FKBP5: variants seen among roughly 807,000 people sequenced by gnomAD.
FKBP5 encodes FKBP prolyl isomerase 5, also known as peptidyl-prolyl cis-trans isomerase FKBP5.
FKBP5 carries 23 observed loss-of-function variants against 50.5 expected under a neutral mutation model. The ratio of observed to expected loss-of-function variants is 0.46; its 90% CI spans 0.33 to 0.65. The LOEUF is 0.65. Among genes scored for constraint, FKBP5 ranks in the 30% least tolerant of loss-of-function variants. The probability of loss-of-function intolerance (pLI) is 0.02; values close to 1 mark genes in which losing one functional copy is unlikely to be tolerated. For missense variants in FKBP5, 411 were observed against 553.1 expected, an observed-to-expected ratio of 0.74 and a Z score of 2.58; for synonymous variants, 176 against 190.6, an observed-to-expected ratio of 0.92 and a Z score of 0.63.
upstream of FKBP5, chr6:35,688,960 C>G (rs1446055963): frequency 1.1e-4 from 16 of 151,588 alleles, no homozygotes; most frequent in Admixed American, 1.1e-3. Context: ...CAGCGCCCGG[C>G]GCCGTCCCGC....
chr6:35,723,022 A>G (rs1178309887), intron 1 of FKBP5, among the ~76,000 whole-genome samples: 4 of 152,300 alleles, frequency 2.6e-5, no homozygotes, highest in South Asian at 2.1e-4. Context: ...TCATGAGATC[A>G]GGAGATCGAG....
At chr6:35,683,010 CTG>C (rs577683307) in intron 1 of FKBP5, among the ~76,000 whole-genome samples, 1 of 148,838 alleles carries the variant, frequency 6.7e-6, no homozygotes, top group East Asian at 2.0e-4. Context: ...ATGTATGTGT[CTG>C]TGTGTATATA....
chr6:35,721,548 C>T (rs538859102), intron 1 of FKBP5, among the ~76,000 whole-genome samples: 2 of 152,160 alleles, frequency 1.3e-5, no homozygotes, highest in Admixed American at 1.3e-4. Context: ...CTCCGCCTCC[C>T]GGGTTCAAAT....
chr6:35,656,808 A>G (rs2150997446), intron 1 of FKBP5, among the ~76,000 whole-genome samples: 1 of 151,782 alleles, frequency 6.6e-6, no homozygotes, highest in East Asian at 1.9e-4. Flanking sequence ...GAGGCAGGAG[A>G]ATTGCTTGAA....
intron 1 of FKBP5, among the ~76,000 whole-genome samples, chr6:35,650,401 GA>G (rs200951563): frequency 3.8e-4 from 52 of 138,186 alleles, no homozygotes; most frequent in Admixed American, 4.3e-4. Flanking sequence ...CTGGACCATT[GA>G]AAAAAAAAAA....
upstream of FKBP5, among the ~76,000 whole-genome samples, chr6:35,691,419 G>C (rs984916337): frequency 6.6e-6 from 1 of 152,152 alleles, no homozygotes; most frequent in African/African-American, 2.4e-5. Context: ...GAACAGTGAG[G>C]AGCAGTGTGG....
chr6:35,583,564 A>G (rs1479708467), intron 8 of FKBP5: 1 of 985,270 alleles, frequency 1.0e-6, no homozygotes, highest in Non-Finnish European at 1.2e-6. Flanking sequence ...AGCAGTTCTC[A>G]ACTGGGGGGT....
intron 8 of FKBP5, chr6:35,584,855 T>G (rs1423362370): frequency 1.0e-6 from 1 of 985,336 alleles, no homozygotes; most frequent in Admixed American, 6.2e-5. Flanking sequence ...CAAAGATTGG[T>G]AATTTTAAGT....
chr6:35,721,574 G>A (rs1036567897), intron 1 of FKBP5, among the ~76,000 whole-genome samples: 1 of 151,990 alleles, frequency 6.6e-6, no homozygotes, highest in Non-Finnish European at 1.5e-5. Context: ...TCCTGCCTCA[G>A]CCTCCCGAGC....
chr6:35,723,497 G>T (rs1018555278), intron 1 of FKBP5, among the ~76,000 whole-genome samples: 7 of 152,172 alleles, frequency 4.6e-5, no homozygotes, highest in Non-Finnish European at 4.4e-5. Context: ...AGGGAAGAAG[G>T]CAGAAGGGAT....
intron 5 of FKBP5, among the ~76,000 whole-genome samples, chr6:35,617,694 C>G (rs935731048): frequency 1.3e-5 from 2 of 152,156 alleles, no homozygotes; most frequent in African/African-American, 4.8e-5. Context: ...ATGTGTGTCA[C>G]GCACTGCAGG....
Position 35,659,554 on chromosome 6 carries a change from ATTTC to A in FKBP5, c.-19-16715_-19-16712del, listed in dbSNP as rs1182765055. On this transcript the variant is annotated intron_variant, in intron 1 of 10. Coordinates refer to ENST00000357266, the MANE Select transcript of FKBP5 (RefSeq NM_004117.4). ...GAGCCACCAAGCCTGGCCGAATTCAATTTCTTTAATAGATATAGGACTTTTCAGG... is the reference window on the plus strand; with the variant it reads ...GAGCCACCAAGCCTGGCCGAATTCAATTTAATAGATATAGGACTTTTCAGG... Among the ~76,000 whole-genome samples the A allele has an allele frequency of 2.4e-5, 2 of 84,730 alleles. 1 individual carries two copies. Among genetic ancestry groups the A allele is most frequent in the African/African-American group, 7.3e-5 (2 of 27,458 alleles). 55.6% of individuals were successfully genotyped at this position (84,730 alleles called of 152,430 possible). A position where few individuals can be genotyped will look rare whatever the true frequency, so the allele number is the denominator to read the frequency against.
intron 2 of FKBP5, among the ~76,000 whole-genome samples, chr6:35,702,694 C>T (rs1361359933): frequency 6.6e-6 from 1 of 151,834 alleles, no homozygotes; most frequent in East Asian, 2.0e-4. Context: ...CCTCGTGATC[C>T]ACCCGCCTCG....
Position 35,637,106 on chromosome 6 carries a change from A to G in FKBP5, c.158T>C (p.Val53Ala). 6 of 1,611,556 alleles carry G rather than the reference A, an allele frequency of 3.7e-6. No homozygotes were observed. Among genetic ancestry groups the G allele is most frequent in the Non-Finnish European group, 5.1e-6 (6 of 1,179,430 alleles). ...CAATTTTCCTTTGTAATGGACATAA[A>G]CTTTGTCTCCAATCATCGGCGTTTC... Reference protein sequence around the residue: ...GEETPMIGDKVYVHYKGKLSN... With the variant: ...GEETPMIGDKAYVHYKGKLSN... Residue 53 changes from valine (V) to alanine (A), a missense_variant, in exon 3 of 11, where the codon GTT becomes GCT. By Grantham distance (64) the Val-to-Ala change is moderately conservative. This residue lies in a region of FKBP5 where 267 missense variants were observed against 405.9 expected (regional missense o/e 0.66). Transcript: ENST00000357266.
chr6:35,696,779 G>T (rs754572332), intron 2 of FKBP5, among the ~76,000 whole-genome samples: 1 of 152,140 alleles, frequency 6.6e-6, no homozygotes, highest in Non-Finnish European at 1.5e-5. Flanking sequence ...AAGTAGGAGG[G>T]TTCATATTTC....
chr6:35,677,760 A>G (rs1044347747), intron 1 of FKBP5, among the ~76,000 whole-genome samples: 3 of 152,294 alleles, frequency 2.0e-5, no homozygotes, highest in African/African-American at 2.4e-5. Flanking sequence ...GTGTCTGCCT[A>G]AAGGCTGACT....
At chr6:35,712,042 T>TGA (rs1554139668) in intron 2 of FKBP5, among the ~76,000 whole-genome samples, 1 of 128,284 alleles carries the variant, frequency 7.8e-6, no homozygotes, top group Non-Finnish European at 1.6e-5. Context: ...CTGGGCTAAT[T>TGA]AAAAAAAAAA....
In FKBP5 at chr6:35,589,091, T is replaced by TA. The variant is rs1354909250; in HGVS notation, c.757-1975_757-1974insT. ...GTGTGTATATATTTATATATATATT[T>TA]TTATATATATATATATTTTTATATA... On this transcript the variant is annotated intron_variant, in intron 7 of 10. Transcript: ENST00000357266. Among the ~76,000 whole-genome samples the TA allele has an allele frequency of 5.4e-3, 725 of 135,156 alleles. 8 individuals are homozygous for TA. The highest frequency in any genetic ancestry group is 0.018 in the African/African-American group (622 of 34,238). The allele number at this position is 135,156 out of a possible 152,430, so 88.7% of individuals were successfully genotyped here.
At chr6:35,727,472 C>G (rs946070707) in intron 1 of FKBP5, among the ~76,000 whole-genome samples, 1 of 152,202 alleles carries the variant, frequency 6.6e-6, no homozygotes, top group African/African-American at 2.4e-5. Flanking sequence ...TCGCCAGTGT[C>G]TGGGCTCTCC....
Sources: allele counts gnomAD v4.1 joint callset (sites outside exome capture counted in the v4.1 genomes callset), GRCh38; gene constraint gnomAD v4.1.1; regional missense constraint gnomAD v4.1.1; transcripts MANE v1.5; gene names NCBI Gene and HGNC (gene_info 2026-07-23, HGNC 2026-07-21).